Variants in THBS3 observed in about 807,000 individuals in gnomAD.
THBS3 encodes the protein thrombospondin-3.
A neutral mutation model predicts 118.3 loss-of-function variants in THBS3; 78 were observed. The ratio of observed to expected loss-of-function variants is 0.66; its 90% CI spans 0.55 to 0.80. THBS3 has a LOEUF of 0.80. Ranked by LOEUF, THBS3 falls within the 30% of genes least tolerant of loss-of-function variation. The pLI is 0.00. For missense variants in THBS3, 1,057 were observed against 1,247.4 expected (o/e 0.85, Z 2.30); for synonymous variants, 427 against 475.3 (o/e 0.90, Z 1.32).
At chr1:155,205,382 A>T (rs1670403070) in intron 2 of THBS3, 66 bp from the exon 3 acceptor site, 4 of 1,578,474 alleles carry the variant, frequency 2.5e-6, no homozygotes, top group Non-Finnish European at 2.6e-6. Context: ...TGAGCCTTGG[A>T]TCAACTCTGC....
In THBS3 at chr1:155,202,053, G is replaced by T. The variant is rs759922804; in HGVS notation, c.1099-19C>A. ...TGCAGACCTGAAGGGGCAGACTTTG[G>T]GTGGAACCAGACCTATGGTGGGTCT... is the stretch of plus-strand genomic sequence containing the variant. On this transcript the variant is annotated intron_variant, in intron 9 of 22. Coordinates refer to ENST00000368378, the MANE Select transcript of THBS3 (RefSeq NM_007112.5). This position sits in a 1 kb window ranked among gnomAD's most constrained non-coding sequence, Gnocchi z 5.5. 2 of 1,614,024 alleles carry T rather than the reference G, an allele frequency of 1.2e-6. No individual in the cohort carries two copies. The highest frequency in any genetic ancestry group is 1.1e-5 in the South Asian group (1 of 91,076).
rs1404136105 is a variant in THBS3, at chr1:155,197,911, C to T, written c.2271G>A (p.Gln757=). Residue 757 remains glutamine (Q), a synonymous_variant, in exon 19 of 23, where the codon CAG becomes CAA. Coordinates refer to ENST00000368378, the MANE Select transcript of THBS3 (RefSeq NM_007112.5). The surrounding 1 kb of genome is among the most constrained non-coding windows in gnomAD (Gnocchi z 5.0). ...CCAAGCCAGGGTCACTGTTCATGGT[C>T]TGAACGATTTCCATGCCCTGGGGTT... is the stretch of plus-strand genomic sequence containing the variant. ...VVLNQGMEIV[Q]TMNSDPGLAV... is the part of the protein sequence containing the mutation. 2 of 1,614,106 alleles carry T rather than the reference C, an allele frequency of 1.2e-6. No homozygotes were observed. Among genetic ancestry groups the T allele is most frequent in the Admixed American group, 3.3e-5 (2 of 60,014 alleles).
At chr1:155,203,576 G>A in intron 4 of THBS3, 37 bp from the exon 5 acceptor site, 1 of 1,612,000 alleles carries the variant, frequency 6.2e-7, no homozygotes, top group South Asian at 1.1e-5. Flanking sequence ...GAGGGGTGAG[G>A]TGAAGTGAAG....
Position 155,197,617 on chromosome 1 carries a change from T to G in THBS3, c.2345A>C (p.His782Pro), listed in dbSNP as rs1668895890. The G allele has an allele frequency of 6.3e-7, 1 of 1,599,546 alleles. No individual in the cohort carries two copies. Among genetic ancestry groups the G allele is most frequent in the Non-Finnish European group, 8.5e-7 (1 of 1,177,708 alleles). The change falls in exon 20 of 23, where the codon CAT becomes CCT. Residue 782 changes from histidine to proline, a missense_variant. By Grantham distance (77) the His-to-Pro change is moderately conservative. Coordinates refer to ENST00000368378, the MANE Select transcript of THBS3 (RefSeq NM_007112.5). This position sits in a 1 kb window ranked among gnomAD's most constrained non-coding sequence, Gnocchi z 5.0. Reference sequence around the variant, plus strand: ...GTCATCATCAGTCACTGTGTTCACATGGAAGGTGCCTTCAAAGTCCACACC... The same window carrying G: ...GTCATCATCAGTCACTGTGTTCACAGGGAAGGTGCCTTCAAAGTCCACACC... ...FNGVDFEGTF[H>P]VNTVTDDDYA...
chr1:155,196,976 C>A (rs1668774592), intron 21 of THBS3, 65 bp downstream of exon 21: 17 of 1,533,508 alleles, frequency 1.1e-5, no homozygotes, highest in Non-Finnish European at 1.5e-5. Flanking sequence ...ACTGGTGAAT[C>A]CCAGCTAAAG....
rs768440295 is a variant in THBS3, at chr1:155,201,183, T to TCCCAG, written c.1346_1350dup (p.Asn451LeufsTer37). The TCCCAG allele has an allele frequency of 6.2e-7, 1 of 1,614,130 alleles. No homozygotes were observed. The highest frequency in any genetic ancestry group is 1.3e-5 in the African/African-American group (1 of 75,042). ...GTGTCAGTCCCACACACGTTCCCAT[T>TCCCAG]CCCAGCCCAGCCCACGTTACACTAG... On this transcript the variant is annotated frameshift_variant, in exon 12 of 23. Transcript: ENST00000368378. LOFTEE classifies it high-confidence loss of function.
rs143606150 is a variant in THBS3 at position 155,202,127 on chromosome 1, A to G, written c.1099-93T>C. On this transcript the variant is annotated intron_variant, in intron 9 of 22. Transcript: ENST00000368378. The surrounding 1 kb of genome is among the most constrained non-coding windows in gnomAD (Gnocchi z 5.5). ...GGTATGGCCTTATCTGTGAACATCAACATTAAGCCCAGACCCAAAGCCGAT... is the reference window on the plus strand; with the variant it reads ...GGTATGGCCTTATCTGTGAACATCAGCATTAAGCCCAGACCCAAAGCCGAT... 3,147 of 1,607,070 alleles carry G rather than the reference A, an allele frequency of 2.0e-3. 2 individuals are homozygous for G. The highest frequency in any genetic ancestry group is 2.2e-3 in the Non-Finnish European group (2,643 of 1,175,270).
In THBS3 at chr1:155,202,040, G is replaced by A. The variant is rs771182168; in HGVS notation, c.1099-6C>T. The A allele has an allele frequency of 6.2e-7, 1 of 1,614,132 alleles. No individual in the cohort carries two copies. The highest frequency in any genetic ancestry group is 1.7e-5 in the Admixed American group (1 of 60,024). ...TCATCGATGTCATTGCAGACCTGAAGGGGCAGACTTTGGGTGGAACCAGAC... is the reference window on the plus strand; with the variant it reads ...TCATCGATGTCATTGCAGACCTGAAAGGGCAGACTTTGGGTGGAACCAGAC... On this transcript the variant is annotated splice_polypyrimidine_tract_variant and splice_region_variant and intron_variant, in intron 9 of 22. Coordinates refer to ENST00000368378, the MANE Select transcript of THBS3 (RefSeq NM_007112.5). The surrounding 1 kb of genome is among the most constrained non-coding windows in gnomAD (Gnocchi z 5.5).
upstream of THBS3, chr1:155,208,738 C>A: frequency 7.0e-7 from 1 of 1,423,474 alleles, no homozygotes; most frequent in Non-Finnish European, 9.2e-7. Context: ...CCGCCACCGC[C>A]CCTGTTTTGT....
rs1022034823 is a variant in THBS3 at position 155,206,679 on chromosome 1, GAAAA to G, written c.80-277_80-274del. Among the ~76,000 whole-genome samples, 2 of 149,788 alleles carry G rather than the reference GAAAA, an allele frequency of 1.3e-5. No individual in the cohort carries two copies. The highest frequency in any genetic ancestry group is 2.0e-4 in the East Asian group (1 of 5,128). ...AAAATACAAAAACAACAACAAAAAAGAAAAAAAAACCACCTAGCCGGGCGTGGTG... is the reference window on the plus strand; with the variant it reads ...AAAATACAAAAACAACAACAAAAAAGAAAAACCACCTAGCCGGGCGTGGTG... On this transcript the variant is annotated intron_variant, in intron 1 of 22. Coordinates refer to ENST00000368378, the MANE Select transcript of THBS3 (RefSeq NM_007112.5). This position sits in a 1 kb window ranked among gnomAD's most constrained non-coding sequence, Gnocchi z 4.2.
chr1:155,208,822 C>A (rs1218732355), upstream of THBS3: 8 of 1,573,684 alleles, frequency 5.1e-6, no homozygotes, highest in Non-Finnish European at 6.9e-6. Flanking sequence ...TCGGGGGACC[C>A]CCCCGCAGTC....
At chr1:155,201,657 TG>T in intron 10 of THBS3, 88 bp from the exon 11 acceptor site, 1 of 1,448,394 alleles carries the variant, frequency 6.9e-7, no homozygotes, top group East Asian at 2.4e-5. Flanking sequence ...GAGTGTGGGC[TG>T]GGCACTCAGT....
upstream of THBS3, chr1:155,208,741 T>C (rs1670894464): frequency 1.1e-5 from 10 of 905,956 alleles, no homozygotes; most frequent in South Asian, 2.2e-5. Context: ...CCACCGCCCC[T>C]GTTTTGTTTC....
chr1:155,201,306 G>C (rs1669679289), intron 11 of THBS3, 102 bp from the exon 12 acceptor site: 6 of 1,582,100 alleles, frequency 3.8e-6, no homozygotes, highest in Non-Finnish European at 5.2e-6. Context: ...AACAGTTCCT[G>C]GGCCCAGGCC....
rs766005289 is a variant in THBS3 at position 155,202,787 on chromosome 1, C to A, written c.957+25G>T. 18 of 1,591,238 alleles carry A rather than the reference C, an allele frequency of 1.1e-5. No homozygotes were observed. In the East Asian group the frequency reaches 3.6e-4, roughly 32 times the overall value. ...ACATCCTCACCCCAGTTTTCTGTAC[C>A]CTTCTGGGCTCTGACCTCCCTCACC... On this transcript the variant is annotated intron_variant, in intron 8 of 22. Coordinates refer to ENST00000368378, the MANE Select transcript of THBS3 (RefSeq NM_007112.5). The surrounding 1 kb of genome is among the most constrained non-coding windows in gnomAD (Gnocchi z 5.5).
At chr1:155,207,211 C>G (rs1043366297) in intron 1 of THBS3, among the ~76,000 whole-genome samples, 2 of 152,222 alleles carry the variant, frequency 1.3e-5, no homozygotes, top group Non-Finnish European at 2.9e-5. Context: ...GACTCTAACC[C>G]TCCCACCATC....
chr1:155,198,647 C>T (rs368621562), intron 16 of THBS3, 45 bp from the exon 17 acceptor site: 16 of 1,579,644 alleles, frequency 1.0e-5, no homozygotes, highest in Non-Finnish European at 1.3e-5. Flanking sequence ...AAAGGTACTC[C>T]TTGTCCTTCC....
chr1:155,195,765 G>A lies in THBS3; in HGVS notation c.*76C>T, dbSNP rs1058189. On this transcript the variant is annotated 3_prime_UTR_variant, in exon 23 of 23. Coordinates refer to ENST00000368378, the MANE Select transcript of THBS3 (RefSeq NM_007112.5). The stretch of plus-strand genomic sequence containing the variant: ...TGGTTGGCTGAGGGGCTGTAGCTTA[G>A]ACCTCAGGGTCTCCAGGATGGACCC... The A allele has an allele frequency of 2.0e-6, 3 of 1,511,542 alleles. No homozygotes were observed. The highest frequency in any genetic ancestry group is 4.5e-5 in the East Asian group (2 of 44,346). 93.6% of individuals were successfully genotyped at this position (1,511,542 alleles called of 1,614,324 possible).
In THBS3 at chr1:155,202,190, A is replaced by G. The variant is rs1669857642; in HGVS notation, c.1098+71T>C. 13 of 1,594,982 alleles carry G rather than the reference A, an allele frequency of 8.2e-6. No homozygotes were observed. The highest frequency in any genetic ancestry group is 1.3e-5 in the African/African-American group (1 of 74,534). ...ATGTCCCATTCATCACAAGGGTCCC[A>G]TGTCCAACCCAGAAGCCCCTGGCCT... On this transcript the variant is annotated intron_variant, in intron 9 of 22. Transcript: ENST00000368378. This position sits in a 1 kb window ranked among gnomAD's most constrained non-coding sequence, Gnocchi z 5.5.
Sources: allele counts gnomAD v4.1 joint callset (sites outside exome capture counted in the v4.1 genomes callset), GRCh38; gene constraint gnomAD v4.1.1; non-coding constraint Gnocchi (gnomAD v3.1); transcripts MANE v1.5; gene names NCBI Gene and HGNC (gene_info 2026-07-23, HGNC 2026-07-21).